Variants in DDX19A observed in about 807,000 individuals in gnomAD.
DDX19A encodes the protein ATP-dependent RNA helicase DDX19A.
DDX19A carries 12 observed loss-of-function variants against 60.6 expected under a neutral mutation model. The ratio of observed to expected loss-of-function variants is 0.20; its 90% CI spans 0.13 to 0.32. DDX19A has a LOEUF of 0.32. DDX19A is among the 10% of genes least tolerant of loss of function. The probability of loss-of-function intolerance (pLI) is 1.00; values close to 1 mark genes in which losing one functional copy is unlikely to be tolerated. For missense variants in DDX19A, 337 were observed against 600.6 expected, an observed-to-expected ratio of 0.56 and a Z score of 4.59; for synonymous variants, 206 against 218.2, an observed-to-expected ratio of 0.94 and a Z score of 0.49.
Position 70,357,572 on chromosome 16 carries a change from G to A in DDX19A, c.293+1325G>A, listed in dbSNP as rs144177511. ...AGCTAATTTTTGTATTTTTAGAAGA[G>A]ACAGGGTTTCACTATGTTGGGCAGG... On this transcript the variant is annotated intron_variant, in intron 4 of 11. Coordinates refer to ENST00000302243, the MANE Select transcript of DDX19A (RefSeq NM_018332.5). 6.9e-3 allele frequency among the ~76,000 whole-genome samples: 1,052 copies of A among 151,494 alleles called. 8 individuals are homozygous for A. Among genetic ancestry groups the A allele is most frequent in the Non-Finnish European group, 0.011 (729 of 67,886 alleles).
At chr16:70,350,480 G>T in intron 1 of DDX19A, 77 bp from the exon 2 acceptor site, 1 of 1,125,456 alleles carries the variant, frequency 8.9e-7, no homozygotes, top group South Asian at 1.4e-5. Context: ...ACTTTTACTA[G>T]AAAGTTTTTC....
chr16:70,357,281 A>G lies in DDX19A; in HGVS notation c.293+1034A>G, dbSNP rs1189261336. 5.6e-5 allele frequency among the ~76,000 whole-genome samples: 8 copies of G among 142,726 alleles called. No individual in the cohort carries two copies. In the East Asian group the frequency reaches 1.2e-3, roughly 22 times the overall value. The allele number at this position is 142,726 out of a possible 152,430, so 93.6% of individuals were successfully genotyped here. ...CTCAAAAAAAAAAAAATATATATAT[A>G]TATATATGTATATTTAGACTATAGG... On this transcript the variant is annotated intron_variant, in intron 4 of 11. Coordinates refer to ENST00000302243, the MANE Select transcript of DDX19A (RefSeq NM_018332.5).
At chr16:70,367,952 G>A (rs1205044006) in intron 9 of DDX19A, among the ~76,000 whole-genome samples, 3 of 152,100 alleles carry the variant, frequency 2.0e-5, no homozygotes, top group Non-Finnish European at 2.9e-5. Context: ...AAGGTAGAAG[G>A]ATTGCTTCAG....
In DDX19A at chr16:70,370,338, G is replaced by T. The variant is rs1964646333; in HGVS notation, c.1136G>T (p.Arg379Leu). ...AGGGCTGCGGTGATTGAGCGCTTCCGAGAGGGCAAAGAGAAGGTTTTGGTG... is the reference window on the plus strand; with the variant it reads ...AGGGCTGCGGTGATTGAGCGCTTCCTAGAGGGCAAAGAGAAGGTTTTGGTG... ...EQRAAVIERF[R>L]EGKEKVLVTT... is the part of the protein sequence containing the mutation. Residue 379 changes from arginine to leucine, a missense_variant, in exon 10 of 12, where the codon CGA becomes CTA. Arg to Leu is a moderately radical substitution (Grantham distance 102, BLOSUM62 -2). Transcript: ENST00000302243. 2.5e-6 allele frequency: 4 copies of T among 1,613,872 alleles called. No homozygotes were observed. In the African/African-American group the frequency reaches 5.3e-5, roughly 22 times the overall value.
chr16:70,356,090 T>G, intron 3 of DDX19A, 22 bp from the exon 4 acceptor site: 1 of 1,612,874 alleles, frequency 6.2e-7, no homozygotes, highest in Non-Finnish European at 8.5e-7. Flanking sequence ...AGTATGAAGA[T>G]CTACTGGTTT....
In DDX19A at chr16:70,361,503, G is replaced by A; in HGVS notation, c.379G>A (p.Ala127Thr). Residue 127 changes from alanine to threonine, a missense_variant, in exon 5 of 12, where the codon GCT becomes ACT. By Grantham distance (58) the Ala-to-Thr change is moderately conservative. Transcript: ENST00000302243. The stretch of plus-strand genomic sequence containing the variant: ...AGAGAACGCATTACCCATGATGCTT[G>A]CTGAACCGTGAGTATGCAGATGAAG... ...IQENALPMMLAEPPQNLIAQS... is the reference protein window; with the variant it reads ...IQENALPMMLTEPPQNLIAQS... 6.2e-7 allele frequency: 1 copy of A among 1,610,346 alleles called. No homozygotes were observed. The highest frequency in any genetic ancestry group is 8.5e-7 in the Non-Finnish European group (1 of 1,177,174).
chr16:70,350,518 G>A, intron 1 of DDX19A, 39 bp from the exon 2 acceptor site: 1 of 1,531,400 alleles, frequency 6.5e-7, no homozygotes, highest in Non-Finnish European at 8.9e-7. Flanking sequence ...CTTTTATTGG[G>A]TCCTTTGCTT....
chr16:70,351,950 A>G (rs1011113346), intron 2 of DDX19A, among the ~76,000 whole-genome samples: 4 of 152,260 alleles, frequency 2.6e-5, no homozygotes, highest in Admixed American at 6.6e-5. Flanking sequence ...ATTAGGGCCC[A>G]CCCTAGTGAC....
rs552866340 is a variant in DDX19A at position 70,347,064 on chromosome 16, C to G, written c.57+16C>G. The G allele has an allele frequency of 6.2e-6, 10 of 1,608,770 alleles. No homozygotes were observed. In the African/African-American group the frequency reaches 1.2e-4, roughly 19 times the overall value. On this transcript the variant is annotated intron_variant, in intron 1 of 11. Transcript: ENST00000302243. ...TGTCAAGTCGGTCAGTAGCTCAGCTCCTGGCGAGGAGGACGTAGCAGGGGC... is the reference window on the plus strand; with the variant it reads ...TGTCAAGTCGGTCAGTAGCTCAGCTGCTGGCGAGGAGGACGTAGCAGGGGC...
intron 2 of DDX19A, among the ~76,000 whole-genome samples, chr16:70,351,036 G>C (rs78068113): frequency 6.7e-6 from 1 of 148,260 alleles, no homozygotes; most frequent in African/African-American, 2.5e-5. Context: ...TTGCCACCAC[G>C]CGCTAGTTTT....
At chr16:70,367,014 G>A (rs1283470508) in intron 9 of DDX19A, among the ~76,000 whole-genome samples, 153 bp downstream of exon 9, 1 of 152,110 alleles carries the variant, frequency 6.6e-6, no homozygotes, top group Non-Finnish European at 1.5e-5. Flanking sequence ...GGGGGTAATG[G>A]TAGTATCCCA....
intron 2 of DDX19A, among the ~76,000 whole-genome samples, chr16:70,351,633 T>A (rs543101735): frequency 6.6e-6 from 1 of 152,148 alleles, no homozygotes; most frequent in African/African-American, 2.4e-5. Context: ...CACGCCATTC[T>A]TGTGCCTCAG....
chr16:70,351,955 A>C (rs982358907), intron 2 of DDX19A, among the ~76,000 whole-genome samples: 1 of 152,190 alleles, frequency 6.6e-6, no homozygotes, highest in African/African-American at 2.4e-5. Flanking sequence ...GGCCCACCCT[A>C]GTGACCTCAT....
chr16:70,350,506 T>G, intron 1 of DDX19A, 51 bp from the exon 2 acceptor site: 3 of 1,439,522 alleles, frequency 2.1e-6, no homozygotes, highest in Non-Finnish European at 1.9e-6. Flanking sequence ...TTAGGGACCT[T>G]CCTTTTATTG....
At chr16:70,357,005 T>C in intron 4 of DDX19A, 1 of 488,608 alleles carries the variant, frequency 2.0e-6, no homozygotes, top group Non-Finnish European at 3.2e-6. Context: ...TCCCAGCACT[T>C]TGGGAGGCCA....
Position 70,372,438 on chromosome 16 carries a change from C to G in DDX19A, c.*452C>G, listed in dbSNP as rs1235585491. 4.7e-6 allele frequency: 1 copy of G among 214,524 alleles called. No individual in the cohort carries two copies. 13.3% of individuals were successfully genotyped at this position (214,524 alleles called of 1,614,324 possible). ...GCAGCAGAGAGGCCAGAGCTGCCCC[C>G]TCTCTGTCTCTTCAATGGACCCTTC... On this transcript the variant is annotated 3_prime_UTR_variant, in exon 12 of 12. Coordinates refer to ENST00000302243, the MANE Select transcript of DDX19A (RefSeq NM_018332.5).
intron 8 of DDX19A, 23 bp from the exon 9 acceptor site, chr16:70,366,601 T>C (rs752991820): frequency 8.2e-5 from 132 of 1,613,656 alleles, no homozygotes; most frequent in Admixed American, 1.5e-4. Context: ...CCTGGGGCCA[T>C]CTACCCGGGC....
At chr16:70,358,668 A>C (rs1328558989) in intron 4 of DDX19A, among the ~76,000 whole-genome samples, 1 of 151,586 alleles carries the variant, frequency 6.6e-6, no homozygotes. Flanking sequence ...AAATGATGAA[A>C]CCCCATCTCT....
chr16:70,351,112 G>T (rs1218628580), intron 2 of DDX19A, among the ~76,000 whole-genome samples: 1 of 151,008 alleles, frequency 6.6e-6, no homozygotes, highest in Non-Finnish European at 1.5e-5. Flanking sequence ...TTGATCTCCT[G>T]TCCTCGTGAT....
Sources: gnomAD v4.1 joint callset for allele counts (sites outside exome capture counted in the v4.1 genomes callset) on GRCh38, gnomAD v4.1.1 for gene constraint, MANE v1.5 for transcripts, NCBI Gene and HGNC (gene_info 2026-07-23, HGNC 2026-07-21) for gene names.